Variants in TPP2 observed in about 807,000 individuals in gnomAD.
TPP2 encodes the protein tripeptidyl peptidase 2, also known as tripeptidyl-peptidase 2.
A neutral mutation model predicts 155.9 loss-of-function variants in TPP2; 34 were observed. That is an observed-to-expected ratio of 0.22 (90% CI 0.17 to 0.29). The LOEUF is 0.29. TPP2 is among the 10% of genes least tolerant of loss of function. The probability of loss-of-function intolerance (pLI) is 1.00; values close to 1 mark genes in which losing one functional copy is unlikely to be tolerated. For missense variants in TPP2, 1,028 were observed against 1,522.3 expected, an observed-to-expected ratio of 0.68 and a Z score of 5.40; for synonymous variants, 510 against 529.4, an observed-to-expected ratio of 0.96 and a Z score of 0.50.
rs1000599076 is a variant in TPP2, at chr13:102,616,593, T to C, written c.495+93T>C. 4 of 1,071,250 alleles carry C rather than the reference T, an allele frequency of 3.7e-6. No homozygotes were observed. The African/African-American group carries it at 6.5e-5, about 17-fold the overall frequency. 66.4% of individuals were successfully genotyped at this position (1,071,250 alleles called of 1,614,324 possible). ...TAATAGACTGTTTTTCCACAAGTTT[T>C]CTTTTTTCACAAATTTTCTTTTAAG... On this transcript the variant is annotated intron_variant, in intron 4 of 29. Coordinates refer to ENST00000376052, the MANE Select transcript of TPP2 (RefSeq NM_001330588.2).
At chr13:102,640,938 C>T (rs112874176) in intron 16 of TPP2, among the ~76,000 whole-genome samples, 3 of 152,194 alleles carry the variant, frequency 2.0e-5, no homozygotes, top group Admixed American at 6.5e-5. Context: ...GCATGAGCAA[C>T]TGTGCCCGGC....
chr13:102,647,644 A>G (rs1426927414), intron 21 of TPP2, among the ~76,000 whole-genome samples: 3 of 152,128 alleles, frequency 2.0e-5, no homozygotes, highest in Non-Finnish European at 2.9e-5. Flanking sequence ...GATTCTACCT[A>G]TCTGAAGGTA....
Position 102,643,238 on chromosome 13 carries a change from G to C in TPP2, c.2037G>C (p.Ser679=). ...GATWAEVTVC[S]CSSEVSAKFV... ...TTATTTTAGAAGTGACAGTGTGTTCGTGTTCTTCTGAGGTGTCAGCAAAGT... is the reference window on the plus strand; with the variant it reads ...TTATTTTAGAAGTGACAGTGTGTTCCTGTTCTTCTGAGGTGTCAGCAAAGT... The change falls in exon 17 of 30, where the codon TCG becomes TCC. Residue 679 remains serine (S), a synonymous_variant. Transcript: ENST00000376052. 6 of 1,601,962 alleles carry C rather than the reference G, an allele frequency of 3.7e-6. No individual in the cohort carries two copies. The highest frequency in any genetic ancestry group is 1.1e-5 in the South Asian group (1 of 88,292).
chr13:102,617,736 C>A (rs1880853007), intron 4 of TPP2, among the ~76,000 whole-genome samples: 1 of 152,210 alleles, frequency 6.6e-6, no homozygotes, highest in Non-Finnish European at 1.5e-5. Context: ...TGCTTTTGAT[C>A]AAAGACGACT....
Position 102,644,639 on chromosome 13 carries a change from A to T in TPP2, c.2258A>T (p.His753Leu). 6.2e-7 allele frequency: 1 copy of T among 1,612,692 alleles called. No individual in the cohort carries two copies. Among genetic ancestry groups the T allele is most frequent in the Non-Finnish European group, 8.5e-7 (1 of 1,179,496 alleles). The stretch of plus-strand genomic sequence containing the variant: ...AACATTGATTATACCATTTCTTTCC[A>T]TGGGATAGTGTGTACTGCTCCTCAG... Reference protein sequence around the residue: ...DVNIDYTISFHGIVCTAPQLN... With the variant: ...DVNIDYTISFLGIVCTAPQLN... Residue 753 changes from histidine (H) to leucine (L), a missense_variant, in exon 18 of 30, where the codon CAT (histidine) becomes CTT (leucine). By Grantham distance (99) the His-to-Leu change is moderately conservative. Coordinates refer to ENST00000376052, the MANE Select transcript of TPP2 (RefSeq NM_001330588.2).
chr13:102,652,472 A>G, intron 24 of TPP2, among the ~76,000 whole-genome samples: 1 of 146,700 alleles, frequency 6.8e-6, no homozygotes, highest in Non-Finnish European at 1.5e-5. Flanking sequence ...CCACATATTT[A>G]ATAAGCTTTC....
chr13:102,664,910 C>G lies in TPP2; in HGVS notation c.3356C>G (p.Ala1119Gly). The change falls in exon 27 of 30, where the codon GCA becomes GGA. Residue 1119 changes from alanine (A) to glycine (G), a missense_variant. Physicochemically the swap from Ala to Gly is moderately conservative, Grantham distance 60 (BLOSUM62 0). Around this residue, in one of 7 missense-constraint regions of TPP2, gnomAD observed 116 missense variants for 117.3 expected, o/e 0.99. Transcript: ENST00000376052. ...ATGAAGACTGATCCCAGGCCTGATG[C>G]AGCTACTATAAAAAAGTACCTAACC... ...IAMKTDPRPD[A>G]ATIKNDMDKQ... 2 of 1,612,182 alleles carry G rather than the reference C, an allele frequency of 1.2e-6. No individual in the cohort carries two copies. Among genetic ancestry groups the G allele is most frequent in the Non-Finnish European group, 1.7e-6 (2 of 1,179,444 alleles).
intron 1 of TPP2, among the ~76,000 whole-genome samples, chr13:102,602,860 T>C (rs1224875491): frequency 6.6e-6 from 1 of 152,172 alleles, no homozygotes; most frequent in Non-Finnish European, 1.5e-5. Flanking sequence ...GTTTCTACGG[T>C]TTTTATGTTT....
At position 102,638,277 on chromosome 13, in the gene TPP2, G is replaced by C. The variant is rs139342478; in HGVS notation, c.1875G>C (p.Pro625=). ...GYDIASPNAG[P]LFRVPITAVI... ...ATATAGCATCCCCTAACGCAGGTCCGCTCTTCAGAGTTCCGATCACTGCAG... is the reference window on the plus strand; with the variant it reads ...ATATAGCATCCCCTAACGCAGGTCCCCTCTTCAGAGTTCCGATCACTGCAG... Residue 625 remains proline, a synonymous_variant, in exon 15 of 30, where the codon CCG becomes CCC. Coordinates refer to ENST00000376052, the MANE Select transcript of TPP2 (RefSeq NM_001330588.2). 2 of 1,612,756 alleles carry C rather than the reference G, an allele frequency of 1.2e-6. No homozygotes were observed. The highest frequency in any genetic ancestry group is 1.7e-6 in the Non-Finnish European group (2 of 1,179,936).
chr13:102,621,828 C>T (rs898107531), intron 5 of TPP2, among the ~76,000 whole-genome samples: 5 of 152,052 alleles, frequency 3.3e-5, no homozygotes, highest in African/African-American at 1.2e-4. Flanking sequence ...GGATGCTGGC[C>T]GATTGCATAA....
At chr13:102,660,087 G>A (rs1424846529) in intron 25 of TPP2, among the ~76,000 whole-genome samples, 1 of 151,794 alleles carries the variant, frequency 6.6e-6, no homozygotes, top group African/African-American at 2.4e-5. Flanking sequence ...GAGCTATAAA[G>A]GGATAACATT....
intron 28 of TPP2, among the ~76,000 whole-genome samples, chr13:102,676,031 T>C (rs1397769262): frequency 2.0e-5 from 3 of 152,172 alleles, no homozygotes; most frequent in Admixed American, 2.0e-4. Context: ...TTCTTGTGCA[T>C]GAAGAGGTAT....
intron 27 of TPP2, among the ~76,000 whole-genome samples, chr13:102,673,195 G>T (rs138128846): frequency 6.6e-6 from 1 of 152,156 alleles, no homozygotes; most frequent in African/African-American, 2.4e-5. Context: ...TCCTTGGTGC[G>T]CAGGATTAAT....
chr13:102,617,295 C>A (rs1880820433), intron 4 of TPP2, among the ~76,000 whole-genome samples: 1 of 152,138 alleles, frequency 6.6e-6, no homozygotes, highest in Admixed American at 6.5e-5. Flanking sequence ...ATATATTAGA[C>A]CTCAAGGTCC....
At chr13:102,636,493 A>G in intron 13 of TPP2, 101 bp downstream of exon 13, 1 of 1,297,248 alleles carries the variant, frequency 7.7e-7, no homozygotes, top group Non-Finnish European at 1.0e-6. Context: ...TTGTGAAGAG[A>G]ATACATGAAT....
chr13:102,656,156 A>G (rs1388581064), intron 24 of TPP2, among the ~76,000 whole-genome samples: 1 of 152,122 alleles, frequency 6.6e-6, no homozygotes, highest in East Asian at 1.9e-4. Flanking sequence ...TAGAATACAA[A>G]CCAAAATTTT....
intron 5 of TPP2, among the ~76,000 whole-genome samples, chr13:102,621,483 G>A (rs1207698409): frequency 6.6e-6 from 1 of 152,134 alleles, no homozygotes; most frequent in Non-Finnish European, 1.5e-5. Flanking sequence ...AAGCAGAGAG[G>A]TAGAAAGGGT....
intron 25 of TPP2, among the ~76,000 whole-genome samples, chr13:102,660,432 G>A (rs1021064528): frequency 8.9e-6 from 1 of 112,902 alleles, no homozygotes; most frequent in Non-Finnish European, 1.9e-5. Flanking sequence ...GTAGGAACAT[G>A]TTTAACAAGA....
chr13:102,654,898 C>G (rs1160908031), intron 24 of TPP2: 2 of 462,076 alleles, frequency 4.3e-6, no homozygotes, highest in Non-Finnish European at 8.7e-6. Flanking sequence ...AGGGCAGTGC[C>G]TACCCAGAGA....
Sources: allele counts gnomAD v4.1 joint callset (sites outside exome capture counted in the v4.1 genomes callset), GRCh38; gene constraint gnomAD v4.1.1; regional missense constraint gnomAD v4.1.1; transcripts MANE v1.5; gene names NCBI Gene and HGNC (gene_info 2026-07-23, HGNC 2026-07-21).